Variants in NRG1 observed in about 807,000 individuals in gnomAD.
NRG1 encodes neuregulin 1.
Under a neutral mutation model 63.8 loss-of-function variants are expected in NRG1, and 18 were observed. The ratio of observed to expected loss-of-function variants is 0.28; its 90% CI spans 0.19 to 0.42. The LOEUF is 0.42. Ranked by LOEUF, NRG1 falls within the 10% of genes least tolerant of loss-of-function variation. The probability of loss-of-function intolerance (pLI) is 1.00; values close to 1 mark genes in which losing one functional copy is unlikely to be tolerated. For missense variants in NRG1, 762 were observed against 814.7 expected (o/e 0.94, Z 0.79); for synonymous variants, 302 against 301.3 (o/e 1.00, Z -0.02).
chr8:32,356,645 G>C (rs1392210263), intron 1 of NRG1, among the ~76,000 whole-genome samples: 1 of 152,160 alleles, frequency 6.6e-6, no homozygotes, highest in Non-Finnish European at 1.5e-5. Flanking sequence ...CTAAATGTTA[G>C]ATTAGGGTCA....
chr8:32,458,583 T>G (rs1821905769), intron 1 of NRG1, among the ~76,000 whole-genome samples: 1 of 152,184 alleles, frequency 6.6e-6, no homozygotes, highest in Admixed American at 6.5e-5. Flanking sequence ...TAGGTTTTGC[T>G]TTATGAATTT....
At chr8:31,887,207 T>C (rs559579434) in intron 1 of NRG1, among the ~76,000 whole-genome samples, 3 of 151,986 alleles carry the variant, frequency 2.0e-5, no homozygotes, top group African/African-American at 7.2e-5. Context: ...TAGCAGATGG[T>C]TTTCCCGTGA....
At chr8:32,055,823 T>G (rs1420660367) in intron 1 of NRG1, among the ~76,000 whole-genome samples, 3 of 152,114 alleles carry the variant, frequency 2.0e-5, no homozygotes, top group Admixed American at 6.6e-5. Flanking sequence ...GGTGGTGTTT[T>G]CCTTGGTGAT....
chr8:31,773,497 T>A (rs965026653), intron 1 of NRG1, among the ~76,000 whole-genome samples: 5 of 152,194 alleles, frequency 3.3e-5, no homozygotes, highest in Non-Finnish European at 5.9e-5. Context: ...CATCATAGTC[T>A]CTCATCCAAA....
intron 1 of NRG1, among the ~76,000 whole-genome samples, chr8:31,930,122 G>C (rs1834742564): frequency 6.6e-6 from 1 of 150,922 alleles, no homozygotes; most frequent in Admixed American, 6.6e-5. Flanking sequence ...CCTGTGAACA[G>C]GATTCTTTTG....
At chr8:32,450,487 G>A (rs908192579) in intron 1 of NRG1, among the ~76,000 whole-genome samples, 1 of 152,082 alleles carries the variant, frequency 6.6e-6, no homozygotes, top group Admixed American at 6.6e-5. Context: ...CGCAATTACA[G>A]CTTACTGCAG....
chr8:32,118,385 T>G (rs1833020988), intron 1 of NRG1, among the ~76,000 whole-genome samples: 1 of 152,078 alleles, frequency 6.6e-6, no homozygotes, highest in Non-Finnish European at 1.5e-5. Context: ...TCTCTCTCCA[T>G]GTGATCTCTG....
intron 5 of NRG1, among the ~76,000 whole-genome samples, chr8:32,696,672 T>G (rs933700032): frequency 6.7e-6 from 1 of 149,894 alleles, no homozygotes; most frequent in African/African-American, 2.5e-5. Context: ...TTTTTTTTTT[T>G]TTTTTTGACA....
chr8:32,728,103 GC>G, intron 6 of NRG1, 25 bp downstream of exon 6: 1 of 1,613,144 alleles, frequency 6.2e-7, no homozygotes, highest in Non-Finnish European at 8.5e-7. Flanking sequence ...CCTGTGTGTC[GC>G]TTATGTCTAT....
chr8:31,781,420 A>C (rs1819673374), intron 1 of NRG1, among the ~76,000 whole-genome samples: 1 of 152,222 alleles, frequency 6.6e-6, no homozygotes, highest in Non-Finnish European at 1.5e-5. Flanking sequence ...TGTGGTTTAC[A>C]TGTGGCAACA....
chr8:32,720,702 C>T (rs1017232287), intron 5 of NRG1, among the ~76,000 whole-genome samples: 7 of 152,018 alleles, frequency 4.6e-5, no homozygotes, highest in Non-Finnish European at 1.0e-4. Flanking sequence ...TTTGGAAAAG[C>T]TATGACATCC....
chr8:32,756,315 C>A, intron 8 of NRG1, 88 bp from the exon 9 acceptor site: 2 of 1,484,558 alleles, frequency 1.3e-6, no homozygotes, highest in Non-Finnish European at 9.1e-7. Context: ...CCTTGAACTA[C>A]TCATAGGTGT....
intron 1 of NRG1, among the ~76,000 whole-genome samples, chr8:32,428,160 C>A (rs963646919): frequency 6.6e-6 from 1 of 152,130 alleles, no homozygotes; most frequent in Non-Finnish European, 1.5e-5. Flanking sequence ...TAAGCTTCTA[C>A]CTGGACACCA....
At chr8:32,590,019 T>C (rs1242905765) in intron 1 of NRG1, among the ~76,000 whole-genome samples, 1 of 152,196 alleles carries the variant, frequency 6.6e-6, no homozygotes, top group African/African-American at 2.4e-5. Flanking sequence ...AACACAAAAG[T>C]AGACTTTGGA....
intron 1 of NRG1, among the ~76,000 whole-genome samples, chr8:31,808,520 T>G (rs1822522875): frequency 1.3e-5 from 2 of 152,092 alleles, no homozygotes; most frequent in Admixed American, 1.3e-4. Context: ...CTCCATTTCT[T>G]CTGCATTACC....
At chr8:32,650,522 G>A (rs1018013774) in intron 5 of NRG1, among the ~76,000 whole-genome samples, 7 of 151,722 alleles carry the variant, frequency 4.6e-5, no homozygotes, top group African/African-American at 1.7e-4. Flanking sequence ...ACTTTTTTTG[G>A]GGGTGGGGAG....
chr8:32,365,500 G>C (rs1038973818), intron 1 of NRG1, among the ~76,000 whole-genome samples: 2 of 151,758 alleles, frequency 1.3e-5, no homozygotes, highest in African/African-American at 4.8e-5. Context: ...ACTTTTATGG[G>C]TTCTTTTTTT....
At chr8:32,583,725 G>A (rs1841113628) in intron 1 of NRG1, among the ~76,000 whole-genome samples, 1 of 152,142 alleles carries the variant, frequency 6.6e-6, no homozygotes, top group Non-Finnish European at 1.5e-5. Flanking sequence ...CACCCAGAAG[G>A]CATTTCTTAG....
chr8:32,168,101 A>G (rs1437256356), intron 1 of NRG1, among the ~76,000 whole-genome samples: 1 of 152,158 alleles, frequency 6.6e-6, no homozygotes, highest in Non-Finnish European at 1.5e-5. Context: ...AACACATTCA[A>G]TAATCTGACG....
Sources: gnomAD v4.1 joint callset for allele counts (sites outside exome capture counted in the v4.1 genomes callset) on GRCh38, gnomAD v4.1.1 for gene constraint, MANE v1.5 for transcripts, NCBI Gene and HGNC (gene_info 2026-07-23, HGNC 2026-07-21) for gene names.